The following DNAH1 variants were observed in gnomAD, a reference collection of about 807,000 sequenced individuals.
The protein encoded by DNAH1 is axonemal beta dynein heavy chain 1.
In DNAH1, 327 loss-of-function variants were observed where a neutral mutation model predicts 484.3. The observed-to-expected ratio is 0.68, with a 90% CI of 0.62 to 0.74. The LOEUF (loss-of-function observed/expected upper bound fraction) is 0.74. Among genes scored for constraint, DNAH1 ranks in the 30% least tolerant of loss-of-function variants. DNAH1 has a pLI of 0.00. For missense variants in DNAH1, 5,052 were observed against 5,546.8 expected (o/e 0.91, Z 2.83); for synonymous variants, 2,192 against 2,191.9 (o/e 1.00, Z 0.00).
rs1191379742 is a variant in DNAH1, at chr3:52,385,098, T to G, written c.8514+121T>G. On this transcript the variant is annotated intron_variant, in intron 53 of 77. Transcript: ENST00000420323. Reference sequence around the variant, plus strand: ...CAAACTGCAGCCCACGACGTTGAAGTGGGTGGCTTCCCCCCTCATCAAAAG... The same window carrying G: ...CAAACTGCAGCCCACGACGTTGAAGGGGGTGGCTTCCCCCCTCATCAAAAG... 32 of 1,262,160 alleles carry G rather than the reference T, an allele frequency of 2.5e-5. No individual in the cohort carries two copies. In the South Asian group the frequency reaches 4.9e-4, roughly 19 times the overall value. 78.2% of individuals were successfully genotyped at this position (1,262,160 alleles called of 1,614,324 possible).
intron 15 of DNAH1, 115 bp downstream of exon 15, chr3:52,350,223 A>G: frequency 7.0e-7 from 1 of 1,432,620 alleles, no homozygotes; most frequent in Non-Finnish European, 9.5e-7. Flanking sequence ...AGGGTAAGGT[A>G]GTTGGACAGA....
rs1702921552 is a variant in DNAH1, at chr3:52,362,917, G to A, written c.5095-78G>A. Reference sequence around the variant, plus strand: ...GCAGCAGGGAGTCCCAGCGTGTTAGGGAGGAGGGCCGGATGAAGCTGGGGG... The same window carrying A: ...GCAGCAGGGAGTCCCAGCGTGTTAGAGAGGAGGGCCGGATGAAGCTGGGGG... On this transcript the variant is annotated intron_variant, in intron 31 of 77. Transcript: ENST00000420323. The surrounding 1 kb of genome is among the most constrained non-coding windows in gnomAD (Gnocchi z 5.1). 1 of 1,593,122 alleles carries A rather than the reference G, an allele frequency of 6.3e-7. No homozygotes were observed. The highest frequency in any genetic ancestry group is 1.1e-5 in the South Asian group (1 of 89,182).
At chr3:52,374,580 C>G in intron 44 of DNAH1, 13 of 1,504,364 alleles carry the variant, frequency 8.6e-6, no homozygotes, top group Non-Finnish European at 1.2e-5. Context: ...CCCACACTTC[C>G]AGGTGGCAGA....
chr3:52,312,399 G>A (rs973057581), upstream of DNAH1, among the ~76,000 whole-genome samples: 2 of 151,816 alleles, frequency 1.3e-5, no homozygotes, highest in African/African-American at 4.8e-5. Context: ...CACTGCTTAG[G>A]TTTGGAGATG....
chr3:52,374,800 C>T, intron 44 of DNAH1: 1 of 1,051,740 alleles, frequency 9.5e-7, no homozygotes, highest in Non-Finnish European at 1.5e-6. Context: ...CAGTCCAAAG[C>T]AGAGAAACTA....
chr3:52,349,235 G>T lies in DNAH1; in HGVS notation c.2341G>T (p.Glu781Ter). ...TQGLLAQEVREVVLTHLREKE... is the reference protein window; with the variant it reads ...TQGLLAQEVR ...GGGCCTGTTGGCCCAGGAGGTGCGG[G>T]AGGTAGTGCTCACCCACCTGCGGGA... Residue 781 changes from glutamate to a stop codon, truncating the protein, a stop_gained, in exon 14 of 78, where the codon GAG (glutamate) becomes TAG (stop). Transcript: ENST00000420323. LOFTEE classifies it high-confidence loss of function. 1.2e-6 allele frequency: 2 copies of T among 1,613,910 alleles called. No homozygotes were observed. Among genetic ancestry groups the T allele is most frequent in the African/African-American group, 1.3e-5 (1 of 75,044 alleles).
In DNAH1 at chr3:52,366,791, G is replaced by T. The variant is rs200859252; in HGVS notation, c.5669G>T (p.Gly1890Val). 1.6e-3 allele frequency: 2,518 copies of T among 1,613,910 alleles called. 6 individuals are homozygous for T. The highest frequency in any genetic ancestry group is 1.3e-3 in the Non-Finnish European group (1,527 of 1,179,850). Reference protein sequence around the residue: ...TSLKGQPSISGGMYEAVNYYV... With the variant: ...TSLKGQPSISVGMYEAVNYYV... ...CTGAAAGGGCAGCCATCCATCAGTG[G>T]TGGCATGTACGAGGCTGTCAACTAC... The change falls in exon 36 of 78, where the codon GGT becomes GTT. Residue 1890 changes from glycine (G) to valine (V), a missense_variant. Physicochemically the swap from Gly to Val is moderately radical, Grantham distance 109. Around this residue, in one of 4 missense-constraint regions of DNAH1, gnomAD observed 2,929 missense variants for 3,409.4 expected, o/e 0.86. Coordinates refer to ENST00000420323, the MANE Select transcript of DNAH1 (RefSeq NM_015512.5).
chr3:52,389,335 A>C, intron 59 of DNAH1, 126 bp from the exon 60 acceptor site: 3 of 1,381,384 alleles, frequency 2.2e-6, no homozygotes, highest in Non-Finnish European at 2.0e-6. Context: ...TGGGATTAGA[A>C]TGCAGGTATC....
At chr3:52,391,991 GCTT>G (rs1019703415) in intron 63 of DNAH1, among the ~76,000 whole-genome samples, 4 of 152,168 alleles carry the variant, frequency 2.6e-5, no homozygotes, top group Non-Finnish European at 5.9e-5. Flanking sequence ...CAAATGCCCT[GCTT>G]CTTATCCTTG....
chr3:52,361,298 G>A lies in DNAH1; in HGVS notation c.4820G>A (p.Cys1607Tyr). ...GCCATACAGACCGTTGTGTTCAACTGCTCTGACCAGCTCGACTTCATGGCC... is the reference window on the plus strand; with the variant it reads ...GCCATACAGACCGTTGTGTTCAACTACTCTGACCAGCTCGACTTCATGGCC... ...ALAIQTVVFN[C>Y]SDQLDFMAMG... Residue 1607 changes from cysteine (C) to tyrosine (Y), a missense_variant, in exon 29 of 78, where the codon TGC becomes TAC. By Grantham distance (194) the Cys-to-Tyr change is radical (BLOSUM62 -2). This residue lies in a region of DNAH1 where 2,929 missense variants were observed against 3,409.4 expected (regional missense o/e 0.86). Transcript: ENST00000420323. The surrounding 1 kb of genome is among the most constrained non-coding windows in gnomAD (Gnocchi z 5.6). 6.2e-7 allele frequency: 1 copy of A among 1,607,592 alleles called. No homozygotes were observed. The highest frequency in any genetic ancestry group is 8.5e-7 in the Non-Finnish European group (1 of 1,177,166).
Position 52,366,768 on chromosome 3 carries a change from G to A in DNAH1, c.5646G>A (p.Leu1882=). ...YRVLAAAMTS[L]KGQPSISGGM... ...TCCTGGCAGCTGCCATGACGTCACT[G>A]AAAGGGCAGCCATCCATCAGTGGTG... is the stretch of plus-strand genomic sequence containing the variant. Residue 1882 remains leucine (L), a synonymous_variant, in exon 36 of 78, where the codon CTG becomes CTA. Transcript: ENST00000420323. The A allele has an allele frequency of 6.2e-7, 1 of 1,613,670 alleles. No individual in the cohort carries two copies.
At chr3:52,363,864 A>G (rs1481478501) in intron 32 of DNAH1, among the ~76,000 whole-genome samples, 1 of 152,218 alleles carries the variant, frequency 6.6e-6, no homozygotes, top group Non-Finnish European at 1.5e-5. Flanking sequence ...ATGAGCTAGA[A>G]GAGATGCAGC....
At chr3:52,397,937 C>T in intron 74 of DNAH1, 60 bp downstream of exon 74, 1 of 1,576,926 alleles carries the variant, frequency 6.3e-7, no homozygotes, top group Non-Finnish European at 8.6e-7. Context: ...ACCATCCTGC[C>T]CACTCCCCTG....
At chr3:52,340,582 T>C (rs1411933102) in intron 8 of DNAH1, among the ~76,000 whole-genome samples, 7 of 151,872 alleles carry the variant, frequency 4.6e-5, no homozygotes, top group Admixed American at 2.0e-4. Context: ...CTACAGGTGG[T>C]TACCACCACG....
At position 52,346,462 on chromosome 3, in the gene DNAH1, G is replaced by T. The variant is rs1162940404; in HGVS notation, c.1657-10G>T. 1.2e-6 allele frequency: 2 copies of T among 1,601,752 alleles called. No individual in the cohort carries two copies. The highest frequency in any genetic ancestry group is 1.7e-6 in the Non-Finnish European group (2 of 1,173,410). ...GGGTGGCCATATGATGATGCCTGTG[G>T]CCACTCTAGGTGCAGATGTTCCTCA... On this transcript the variant is annotated splice_polypyrimidine_tract_variant and intron_variant, in intron 10 of 77. Transcript: ENST00000420323.
intron 16 of DNAH1, among the ~76,000 whole-genome samples, 159 bp downstream of exon 16, chr3:52,350,749 G>A (rs867679931): frequency 6.6e-6 from 1 of 152,222 alleles, no homozygotes; most frequent in East Asian, 1.9e-4. Context: ...CACATGGGCC[G>A]GGACCAGCCA....
Position 52,395,336 on chromosome 3 carries a change from A to G in DNAH1, c.10997A>G (p.Asp3666Gly). 1 of 1,613,276 alleles carries G rather than the reference A, an allele frequency of 6.2e-7. No individual in the cohort carries two copies. Among genetic ancestry groups the G allele is most frequent in the Non-Finnish European group, 8.5e-7 (1 of 1,179,746 alleles). The change falls in exon 69 of 78, where the codon GAC becomes GGC. Residue 3666 changes from aspartate to glycine, a missense_variant. Around this residue, in one of 4 missense-constraint regions of DNAH1, gnomAD observed 853 missense variants for 899.0 expected, o/e 0.95. Transcript: ENST00000420323. This position sits in a 1 kb window ranked among gnomAD's most constrained non-coding sequence, Gnocchi z 4.4. ...QTANLSVVFK[D>G]SNSTTPLIFV... ...GCCAATCTGTCAGTGGTGTTCAAAG[A>G]CTCCAACTCCACCACACCCCTCATC...
intron 59 of DNAH1, 141 bp downstream of exon 59, chr3:52,389,078 CCT>C (rs1467941112): frequency 9.0e-7 from 1 of 1,111,642 alleles, no homozygotes. Context: ...TAGCAGGCTC[CCT>C]CTCTGAGCCA....
At chr3:52,347,531 G>A (rs1559509996) in intron 11 of DNAH1, among the ~76,000 whole-genome samples, 1 of 152,214 alleles carries the variant, frequency 6.6e-6, no homozygotes, top group African/African-American at 2.4e-5. Context: ...TGGGCTCCCG[G>A]GGAGAGAGTG....
Sources: gnomAD v4.1 joint callset for allele counts (sites outside exome capture counted in the v4.1 genomes callset) on GRCh38, gnomAD v4.1.1 for gene constraint, gnomAD v4.1.1 regional missense constraint, Gnocchi (gnomAD v3.1) non-coding constraint, MANE v1.5 for transcripts, NCBI Gene and HGNC (gene_info 2026-07-23, HGNC 2026-07-21) for gene names.